SNTB1: variants seen among roughly 807,000 people sequenced by gnomAD.
The protein encoded by SNTB1 is syntrophin beta 1.
Under a neutral mutation model 48.9 loss-of-function variants are expected in SNTB1, and 36 were observed. That is an observed-to-expected ratio of 0.74 (90% CI 0.56 to 0.97). SNTB1 has a LOEUF of 0.97. SNTB1 is among the 50% of genes least tolerant of loss of function. The probability of loss-of-function intolerance (pLI) is 0.00; values close to 1 mark genes in which losing one functional copy is unlikely to be tolerated. For synonymous variants in SNTB1, 299 were observed against 294.6 expected, an observed-to-expected ratio of 1.01 and a Z score of -0.15; for missense variants, 786 against 703.4, an observed-to-expected ratio of 1.12 and a Z score of -1.33.
At chr8:120,664,480 A>G (rs1260303595) in intron 2 of SNTB1, among the ~76,000 whole-genome samples, 2 of 152,190 alleles carry the variant, frequency 1.3e-5, no homozygotes, top group Non-Finnish European at 2.9e-5. Context: ...TTCTCTCATT[A>G]TAAGATTAGT....
chr8:120,555,944 A>G (rs539246964), intron 4 of SNTB1, among the ~76,000 whole-genome samples: 1 of 152,298 alleles, frequency 6.6e-6, no homozygotes, highest in South Asian at 2.1e-4. Context: ...ATCAATCCTG[A>G]CAGCACCGTG....
At chr8:120,710,685 T>G (rs930583067) in intron 1 of SNTB1, among the ~76,000 whole-genome samples, 8 of 152,174 alleles carry the variant, frequency 5.3e-5, no homozygotes, top group African/African-American at 1.7e-4. Context: ...GAACACAGCA[T>G]TCATTCCCTC....
chr8:120,604,289 A>G (rs1816474579), intron 3 of SNTB1, among the ~76,000 whole-genome samples: 1 of 151,944 alleles, frequency 6.6e-6, no homozygotes, highest in Non-Finnish European at 1.5e-5. Context: ...CTGCTTTCTC[A>G]TGGCTCATGG....
At chr8:120,575,943 G>A (rs1402645998) in intron 3 of SNTB1, among the ~76,000 whole-genome samples, 1 of 152,088 alleles carries the variant, frequency 6.6e-6, no homozygotes, top group African/African-American at 2.4e-5. Flanking sequence ...CATCCCCTTG[G>A]CCTGGTGTTT....
At chr8:120,657,459 T>C (rs1817521280) in intron 2 of SNTB1, among the ~76,000 whole-genome samples, 1 of 152,206 alleles carries the variant, frequency 6.6e-6, no homozygotes, top group Admixed American at 6.5e-5. Context: ...TCCAGGCTCA[T>C]CTAGGATAAA....
At chr8:120,804,448 C>T (rs955236376) in intron 1 of SNTB1, among the ~76,000 whole-genome samples, 3 of 152,100 alleles carry the variant, frequency 2.0e-5, no homozygotes, top group Non-Finnish European at 2.9e-5. Context: ...AGAAGCCATG[C>T]CTTATACCGC....
intron 1 of SNTB1, among the ~76,000 whole-genome samples, chr8:120,801,477 G>A (rs1372007388): frequency 6.6e-6 from 1 of 151,874 alleles, no homozygotes; most frequent in Non-Finnish European, 1.5e-5. Context: ...CTCTCCTCCA[G>A]ACTGTTCTAT....
intron 4 of SNTB1, among the ~76,000 whole-genome samples, chr8:120,555,297 G>T (rs559855366): frequency 1.3e-5 from 2 of 152,168 alleles, no homozygotes; most frequent in Non-Finnish European, 2.9e-5. Flanking sequence ...AGAAAGGACC[G>T]GTTGGCAGCC....
chr8:120,674,707 T>C (rs1266698294), intron 2 of SNTB1, among the ~76,000 whole-genome samples: 2 of 152,076 alleles, frequency 1.3e-5, no homozygotes, highest in African/African-American at 2.4e-5. Flanking sequence ...AATGGCAAGA[T>C]TGGAGAAAAA....
chr8:120,651,730 A>T (rs1007018992), intron 2 of SNTB1, among the ~76,000 whole-genome samples: 1 of 152,028 alleles, frequency 6.6e-6, no homozygotes, highest in African/African-American at 2.4e-5. Context: ...GGTAGGGAGA[A>T]GGAGAGAAAA....
chr8:120,661,568 T>C (rs1379465225), intron 2 of SNTB1, among the ~76,000 whole-genome samples: 1 of 152,194 alleles, frequency 6.6e-6, no homozygotes. Flanking sequence ...CCATGGTTGT[T>C]TGCTGCACCT....
intron 3 of SNTB1, among the ~76,000 whole-genome samples, chr8:120,613,967 T>G (rs1296090279): frequency 6.6e-6 from 1 of 152,208 alleles, no homozygotes; most frequent in Non-Finnish European, 1.5e-5. Flanking sequence ...TGCAGTGCTT[T>G]CACGTGCATT....
chr8:120,588,956 G>A (rs545683766), intron 3 of SNTB1, among the ~76,000 whole-genome samples: 5 of 152,238 alleles, frequency 3.3e-5, no homozygotes, highest in Admixed American at 2.0e-4. Flanking sequence ...CATAAGCATC[G>A]ATTACCATCA....
At chr8:120,656,026 G>C (rs1295561790) in intron 2 of SNTB1, among the ~76,000 whole-genome samples, 1 of 152,206 alleles carries the variant, frequency 6.6e-6, no homozygotes, top group Non-Finnish European at 1.5e-5. Flanking sequence ...AGCATTCACA[G>C]TGTGGTTGGT....
At chr8:120,729,019 C>CCCACA (rs1056639237) in intron 1 of SNTB1, among the ~76,000 whole-genome samples, 7 of 151,464 alleles carry the variant, frequency 4.6e-5, no homozygotes, top group Non-Finnish European at 1.0e-4. Flanking sequence ...CTCACCCTGT[C>CCCACA]CCCAGGCTGG....
At chr8:120,638,389 A>G (rs1030318480) in intron 2 of SNTB1, among the ~76,000 whole-genome samples, 12 of 151,954 alleles carry the variant, frequency 7.9e-5, no homozygotes, top group Non-Finnish European at 1.6e-4. Context: ...AAGAGGAATG[A>G]GTATTTTCTT....
chr8:120,783,827 T>C (rs1819870913), intron 1 of SNTB1, among the ~76,000 whole-genome samples: 1 of 152,146 alleles, frequency 6.6e-6, no homozygotes, highest in Non-Finnish European at 1.5e-5. Context: ...CAAAAATTTT[T>C]TTACCAATAA....
At chr8:120,743,476 A>C (rs901408047) in intron 1 of SNTB1, among the ~76,000 whole-genome samples, 3 of 152,224 alleles carry the variant, frequency 2.0e-5, no homozygotes, top group African/African-American at 4.8e-5. Context: ...ATTAATGGAA[A>C]GTTGCATAAG....
At chr8:120,571,231 T>C (rs1941930300) in intron 4 of SNTB1, 3 of 1,267,442 alleles carry the variant, frequency 2.4e-6, no homozygotes. Context: ...CTTTTGTTTC[T>C]GAGAATCATT....
Sources: allele counts gnomAD v4.1 joint callset (sites outside exome capture counted in the v4.1 genomes callset), GRCh38; gene constraint gnomAD v4.1.1; transcripts MANE v1.5; gene names NCBI Gene and HGNC (gene_info 2026-07-23, HGNC 2026-07-21).